Variants in PCDHA7 observed in about 807,000 individuals in gnomAD.
PCDHA7 encodes protocadherin alpha-7.
In PCDHA7, 37 loss-of-function variants were observed where a neutral mutation model predicts 57.2. The ratio of observed to expected loss-of-function variants is 0.65; its 90% CI spans 0.50 to 0.85. The LOEUF (loss-of-function observed/expected upper bound fraction) is 0.85. Among genes scored for constraint, PCDHA7 ranks in the 40% least tolerant of loss-of-function variants. The pLI, the probability that PCDHA7 is intolerant of heterozygous loss-of-function variation, is 0.00. For synonymous variants in PCDHA7, 553 were observed against 558.8 expected (o/e 0.99, Z 0.15); for missense variants, 1,188 against 1,241.8 (o/e 0.96, Z 0.65).
chr5:140,959,300 C>T (rs887685405), intron 1 of PCDHA7, among the ~76,000 whole-genome samples: 11 of 151,854 alleles, frequency 7.2e-5, no homozygotes, highest in African/African-American at 2.7e-4. Flanking sequence ...TCACTGAGCC[C>T]GGTGGTTGAA....
At chr5:141,006,755 A>G (rs1554260896) in intron 3 of PCDHA7, among the ~76,000 whole-genome samples, 1 of 152,190 alleles carries the variant, frequency 6.6e-6, no homozygotes, top group East Asian at 1.9e-4. Flanking sequence ...TAAATGGAGA[A>G]TGAAGAATAG....
intron 3 of PCDHA7, among the ~76,000 whole-genome samples, chr5:141,000,412 TA>T (rs2097919630): frequency 4.9e-5 from 5 of 102,770 alleles, no homozygotes; most frequent in Non-Finnish European, 5.8e-5. Context: ...TATATATATA[TA>T]TATATATATT....
chr5:140,850,152 G>A (rs1433217072), intron 1 of PCDHA7: 1 of 1,595,430 alleles, frequency 6.3e-7, no homozygotes, highest in Non-Finnish European at 8.6e-7. Flanking sequence ...GACGCTGCAG[G>A]TGTTCGTGCT....
intron 1 of PCDHA7, among the ~76,000 whole-genome samples, chr5:140,939,296 C>T (rs2153640792): frequency 6.6e-6 from 1 of 152,210 alleles, no homozygotes; most frequent in South Asian, 2.1e-4. Flanking sequence ...CTAATCATCT[C>T]TACAAAAGCC....
At chr5:140,872,584 G>A (rs183302964) in intron 1 of PCDHA7, among the ~76,000 whole-genome samples, 8 of 152,212 alleles carry the variant, frequency 5.3e-5, no homozygotes, top group Admixed American at 5.2e-4. Flanking sequence ...CTATCATCGT[G>A]AGACCCCCAT....
In PCDHA7 at chr5:140,979,019, C is replaced by T; in HGVS notation, c.2414+12C>T. On this transcript the variant is annotated intron_variant, in intron 2 of 3. Coordinates refer to ENST00000525929, the MANE Select transcript of PCDHA7 (RefSeq NM_018910.3). ...GCAGGCATGCACAGGTATGTATTTC[C>T]CTCCTCATTCACTCAGAAGTAACCT... 1 of 1,613,662 alleles carries T rather than the reference C, an allele frequency of 6.2e-7. No individual in the cohort carries two copies. Among genetic ancestry groups the T allele is most frequent in the South Asian group, 1.1e-5 (1 of 90,910 alleles).
intron 1 of PCDHA7, chr5:140,858,085 G>T: frequency 6.3e-7 from 1 of 1,597,828 alleles, no homozygotes; most frequent in South Asian, 1.1e-5. Context: ...AGGCCTCGTC[G>T]CGGGCTTCAG....
intron 1 of PCDHA7, among the ~76,000 whole-genome samples, chr5:140,900,338 C>T (rs145242611): frequency 0.027 from 4,159 of 152,082 alleles, 89 homozygotes; most frequent in Non-Finnish European, 0.044. Flanking sequence ...AGTACCGTGG[C>T]GCAATCTTGG....
intron 1 of PCDHA7, chr5:140,884,122 G>A (rs1212118784): frequency 6.2e-7 from 1 of 1,613,306 alleles, no homozygotes; most frequent in East Asian, 2.2e-5. Flanking sequence ...CGGTCGGCGC[G>A]CGCATCCCGT....
chr5:140,883,031 G>A, intron 1 of PCDHA7: 1 of 1,614,078 alleles, frequency 6.2e-7, no homozygotes, highest in Non-Finnish European at 8.5e-7. Flanking sequence ...GTTAGAGAAC[G>A]CCTTCAATGG....
At chr5:140,915,503 G>T (rs1420993234) in intron 1 of PCDHA7, among the ~76,000 whole-genome samples, 1 of 152,062 alleles carries the variant, frequency 6.6e-6, no homozygotes, top group Non-Finnish European at 1.5e-5. Flanking sequence ...TAATACTGTG[G>T]TTTTTGCAGA....
At chr5:140,882,375 C>G (rs879994353) in intron 1 of PCDHA7, 2 of 1,614,094 alleles carry the variant, frequency 1.2e-6, no homozygotes, top group Non-Finnish European at 1.7e-6. Context: ...TACTCCGTCC[C>G]CGAGGAAGCA....
At position 140,834,461 on chromosome 5, in the gene PCDHA7, A is replaced by T; in HGVS notation, c.78A>T (p.Ala26=). The change falls in exon 1 of 4, where the codon GCA becomes GCT. Residue 26 remains alanine, a synonymous_variant. Coordinates refer to ENST00000525929, the MANE Select transcript of PCDHA7 (RefSeq NM_018910.3). The part of the protein sequence containing the change: ...LFIIILAAWE[A]GRGQLHYSVP... ...TTATAATTCTAGCAGCTTGGGAGGC[A>T]GGGAGAGGCCAGCTCCACTACTCGG... is the stretch of plus-strand genomic sequence containing the variant. The T allele has an allele frequency of 6.3e-7, 1 of 1,589,356 alleles. No individual in the cohort carries two copies. The highest frequency in any genetic ancestry group is 8.6e-7 in the Non-Finnish European group (1 of 1,162,542).
At chr5:140,949,290 G>C (rs552572317) in intron 1 of PCDHA7, among the ~76,000 whole-genome samples, 5 of 151,900 alleles carry the variant, frequency 3.3e-5, no homozygotes, top group South Asian at 2.1e-4. Flanking sequence ...TGTATATTCT[G>C]TAATTGTTGG....
At chr5:140,932,349 C>A (rs2088248613) in intron 1 of PCDHA7, among the ~76,000 whole-genome samples, 1 of 151,900 alleles carries the variant, frequency 6.6e-6, no homozygotes, top group Admixed American at 6.6e-5. Flanking sequence ...ACTTACCATA[C>A]AACTGGCCTT....
chr5:140,904,555 CT>C (rs569725486), intron 1 of PCDHA7, among the ~76,000 whole-genome samples: 14 of 151,628 alleles, frequency 9.2e-5, no homozygotes, highest in Non-Finnish European at 1.8e-4. Context: ...CATATAATGA[CT>C]TTTTTTTCCT....
rs138092357 is a variant in PCDHA7 at position 140,856,175 on chromosome 5, T to C, written c.2355+19437T>C. On this transcript the variant is annotated intron_variant, in intron 1 of 3. Transcript: ENST00000525929. The stretch of plus-strand genomic sequence containing the variant: ...CTACGAGGAGGCCAGACACGGCACC[T>C]TCGTGGGCCGCATCGCGCAGGACCT... The C allele has an allele frequency of 1.5e-4, 244 of 1,598,214 alleles. 13 individuals are homozygous for C. The African/African-American group carries it at 2.9e-3, about 19-fold the overall frequency.
intron 3 of PCDHA7, among the ~76,000 whole-genome samples, chr5:141,002,832 C>T (rs147080489): frequency 1.2e-4 from 18 of 152,242 alleles, no homozygotes; most frequent in Admixed American, 2.6e-4. Context: ...GTAAATGGCC[C>T]AGGACTATGC....
In PCDHA7 at chr5:140,852,902, A is replaced by ATG. The variant is rs1554146177; in HGVS notation, c.2355+16164_2355+16165insTG. The stretch of plus-strand genomic sequence containing the variant: ...TAAAACGTATTTTTTTTTTTGAGTC[A>ATG]GAGTCTCGCTCTGTTGCCCAGGCTG... On this transcript the variant is annotated intron_variant, in intron 1 of 3. Transcript: ENST00000525929. 5.3e-4 allele frequency: 438 copies of ATG among 830,724 alleles called. 11 individuals carry two copies. In the South Asian group the frequency reaches 0.021, roughly 39 times the overall value. 51.5% of individuals were successfully genotyped at this position (830,724 alleles called of 1,614,324 possible).
Sources: allele counts gnomAD v4.1 joint callset (sites outside exome capture counted in the v4.1 genomes callset), GRCh38; gene constraint gnomAD v4.1.1; transcripts MANE v1.5; gene names NCBI Gene and HGNC (gene_info 2026-07-23, HGNC 2026-07-21).